The following ISLR2 variants were observed in gnomAD, a reference collection of about 807,000 sequenced individuals.
ISLR2 encodes the protein immunoglobulin superfamily containing leucine-rich repeat protein 2.
Under a neutral mutation model 25.5 loss-of-function variants are expected in ISLR2, and 16 were observed. The ratio of observed to expected loss-of-function variants is 0.63; its 90% CI spans 0.43 to 0.95. ISLR2 has a LOEUF of 0.95. ISLR2 is among the 40% of genes least tolerant of loss of function. The pLI is 0.00. For missense variants in ISLR2, 883 were observed against 1,030.7 expected (o/e 0.86, Z 1.96); for synonymous variants, 508 against 486.6 (o/e 1.04, Z -0.58).
Position 74,134,576 on chromosome 15 carries a change from C to T in ISLR2, c.1822C>T (p.Leu608Phe). The change falls in exon 3 of 3, where the codon CTT becomes TTT. Residue 608 changes from leucine (L) to phenylalanine (F), a missense_variant. Coordinates refer to ENST00000453268, the MANE Select transcript of ISLR2 (RefSeq NM_020851.3). The part of the protein sequence containing the change: ...VFLLVLATVP[L>F]LGAACCHLLA... Reference sequence around the variant, plus strand: ...CCTCCTGGTGCTGGCCACAGTGCCCCTTCTGGGCGCCGCCTGCTGCCATCT... The same window carrying T: ...CCTCCTGGTGCTGGCCACAGTGCCCTTTCTGGGCGCCGCCTGCTGCCATCT... 1 of 1,614,176 alleles carries T rather than the reference C, an allele frequency of 6.2e-7. No individual in the cohort carries two copies. The highest frequency in any genetic ancestry group is 8.5e-7 in the Non-Finnish European group (1 of 1,180,030).
chr15:74,109,730 C>G (rs2072151224), intron 2 of ISLR2, among the ~76,000 whole-genome samples: 1 of 152,200 alleles, frequency 6.6e-6, no homozygotes, highest in South Asian at 2.1e-4. Context: ...GTTCTCAGGT[C>G]ATGGGGATGC....
intron 2 of ISLR2, among the ~76,000 whole-genome samples, chr15:74,122,032 A>G (rs1567156727): frequency 6.6e-6 from 1 of 152,200 alleles, no homozygotes; most frequent in Non-Finnish European, 1.5e-5. Context: ...CATCCACCCC[A>G]GAGACAGCTG....
downstream of ISLR2, among the ~76,000 whole-genome samples, chr15:74,141,095 T>C (rs2072608609): frequency 6.6e-6 from 1 of 152,230 alleles, no homozygotes; most frequent in Non-Finnish European, 1.5e-5. Flanking sequence ...CATTGTTGAA[T>C]AAGTAATTTA....
chr15:74,126,766 A>C (rs181359646), upstream of ISLR2: 1 of 152,262 alleles, frequency 6.6e-6, no homozygotes, highest in Non-Finnish European at 1.5e-5. Flanking sequence ...TGACGACTAC[A>C]TAGAACCTGT....
At chr15:74,140,548 A>G (rs1471413790), downstream of ISLR2, among the ~76,000 whole-genome samples, 1 of 152,238 alleles carries the variant, frequency 6.6e-6, no homozygotes, top group Admixed American at 6.5e-5. Flanking sequence ...GTAAGCACAG[A>G]GCAAGGGAAA....
At chr15:74,125,759 C>G (rs2072289820), upstream of ISLR2, among the ~76,000 whole-genome samples, 3 of 152,238 alleles carry the variant, frequency 2.0e-5, no homozygotes, top group African/African-American at 7.2e-5. Context: ...TAATGTCGAG[C>G]TTCATTTGAA....
chr15:74,139,982 T>A (rs1346938683), downstream of ISLR2, among the ~76,000 whole-genome samples: 1 of 151,726 alleles, frequency 6.6e-6, no homozygotes, highest in Non-Finnish European at 1.5e-5. Flanking sequence ...CAGAGCAATT[T>A]ATCAGGAGCA....
In ISLR2 at chr15:74,133,713, C is replaced by T; in HGVS notation, c.959C>T (p.Ala320Val). ...TQTQAQTPTP[A>V]PAWPAPPATP... is the part of the protein sequence containing the mutation. ...ACCCAAGCCCAAACGCCGACTCCAGCACCCGCTTGGCCGGCGCCCCCAGCC... is the reference window on the plus strand; with the variant it reads ...ACCCAAGCCCAAACGCCGACTCCAGTACCCGCTTGGCCGGCGCCCCCAGCC... Residue 320 changes from alanine to valine, a missense_variant, in exon 3 of 3, where the codon GCA becomes GTA. Transcript: ENST00000453268. 19 of 1,608,684 alleles carry T rather than the reference C, an allele frequency of 1.2e-5. No individual in the cohort carries two copies. The highest frequency in any genetic ancestry group is 1.6e-5 in the Non-Finnish European group (19 of 1,177,532).
At chr15:74,104,043 T>C (rs1162392589) in intron 2 of ISLR2, 1 of 152,132 alleles carries the variant, frequency 6.6e-6, no homozygotes, top group Non-Finnish European at 1.5e-5. Flanking sequence ...AGTGTACTAA[T>C]AACAGCCCAG....
Position 74,136,414 on chromosome 15 carries a change from C to G in ISLR2, c.*1422C>G, listed in dbSNP as rs2072566683. 6 of 165,402 alleles carry G rather than the reference C, an allele frequency of 3.6e-5. No individual in the cohort carries two copies. In the Admixed American group the frequency reaches 3.9e-4, roughly 11 times the overall value. 10.2% of individuals were successfully genotyped at this position (165,402 alleles called of 1,614,324 possible). On this transcript the variant is annotated 3_prime_UTR_variant, in exon 3 of 3. Transcript: ENST00000453268. The stretch of plus-strand genomic sequence containing the variant: ...ATGGAGCCGAGCCCCTCCGTCCTCG[C>G]GTCTCGGTCCTCGCGTCGCCCCGCC...
At chr15:74,113,553 T>C (rs1167843288) in intron 2 of ISLR2, among the ~76,000 whole-genome samples, 2 of 152,238 alleles carry the variant, frequency 1.3e-5, no homozygotes, top group Admixed American at 6.5e-5. Context: ...TGAACCTTCA[T>C]TGTAGAGATG....
Position 74,135,220 on chromosome 15 carries a change from C to T in ISLR2, c.*228C>T. 1.7e-6 allele frequency: 1 copy of T among 595,842 alleles called. No homozygotes were observed. The highest frequency in any genetic ancestry group is 2.9e-5 in the East Asian group (1 of 34,578). The allele number at this position is 595,842 out of a possible 1,614,324, so 36.9% of individuals were successfully genotyped here. On this transcript the variant is annotated 3_prime_UTR_variant, in exon 3 of 3. Coordinates refer to ENST00000453268, the MANE Select transcript of ISLR2 (RefSeq NM_020851.3). Reference sequence around the variant, plus strand: ...TCCCTGCGGGCTGAATCCCCTTCCCCGCCAAGCACAGTGTTTATCTTACCC... The same window carrying T: ...TCCCTGCGGGCTGAATCCCCTTCCCTGCCAAGCACAGTGTTTATCTTACCC...
chr15:74,121,567 G>GGAAATTGA (rs1454952423), intron 2 of ISLR2, among the ~76,000 whole-genome samples: 2 of 152,100 alleles, frequency 1.3e-5, no homozygotes, highest in African/African-American at 4.8e-5. Context: ...CAGGAAGGAG[G>GGAAATTGA]GAAATTGAGC....
intron 1 of ISLR2, among the ~76,000 whole-genome samples, chr15:74,102,067 C>T (rs958988363): frequency 5.3e-5 from 8 of 150,542 alleles, no homozygotes; most frequent in African/African-American, 2.0e-4. Flanking sequence ...TAAATAAATA[C>T]AAATTAGCTG....
chr15:74,107,067 G>C (rs1410470142), intron 2 of ISLR2, among the ~76,000 whole-genome samples: 1 of 150,920 alleles, frequency 6.6e-6, no homozygotes, highest in Middle Eastern at 3.2e-3. Context: ...GGACTGGGGG[G>C]AGCAAGCATG....
Position 74,133,636 on chromosome 15 carries a change from G to T in ISLR2, c.882G>T (p.Gly294=). ...EPPVLSGEDD[G]VGAEEGEGEG... ...CGGTTCTGAGCGGGGAGGACGACGG[G>T]GTTGGGGCGGAGGAAGGAGAGGGAG... Residue 294 remains glycine (G), a synonymous_variant, in exon 3 of 3, where the codon GGG becomes GGT. Coordinates refer to ENST00000453268, the MANE Select transcript of ISLR2 (RefSeq NM_020851.3). 1 of 1,613,508 alleles carries T rather than the reference G, an allele frequency of 6.2e-7. No homozygotes were observed. Among genetic ancestry groups the T allele is most frequent in the Non-Finnish European group, 8.5e-7 (1 of 1,179,790 alleles).
intron 1 of ISLR2, among the ~76,000 whole-genome samples, chr15:74,102,964 C>T (rs141407788): frequency 6.6e-6 from 1 of 151,698 alleles, no homozygotes; most frequent in Non-Finnish European, 1.5e-5. Context: ...CCCACCATTG[C>T]GCCTGGCTAA....
In ISLR2 at chr15:74,134,390, G is replaced by A; in HGVS notation, c.1636G>A (p.Val546Ile). 6.2e-7 allele frequency: 1 copy of A among 1,609,378 alleles called. No homozygotes were observed. Among genetic ancestry groups the A allele is most frequent in the Non-Finnish European group, 8.5e-7 (1 of 1,178,968 alleles). ...GGGAAVQWSR[V>I]EEGVNAYWFR... is the part of the protein sequence containing the mutation. ...CGGCGCGGCAGTGCAGTGGTCCCGC[G>A]TAGAGGAAGGCGTCAACGCCTACTG... Residue 546 changes from valine (V) to isoleucine (I), a missense_variant, in exon 3 of 3, where the codon GTA becomes ATA. Around this residue, in one of 2 missense-constraint regions of ISLR2, gnomAD observed 612 missense variants for 642.8 expected, o/e 0.95. Coordinates refer to ENST00000453268, the MANE Select transcript of ISLR2 (RefSeq NM_020851.3).
chr15:74,137,121 CA>C (rs1261500616), downstream of ISLR2, among the ~76,000 whole-genome samples: 1 of 152,112 alleles, frequency 6.6e-6, no homozygotes, highest in African/African-American at 2.4e-5. Context: ...TATTTGCACT[CA>C]AGGGTGTGCG....
Sources: allele counts gnomAD v4.1 joint callset (sites outside exome capture counted in the v4.1 genomes callset), GRCh38; gene constraint gnomAD v4.1.1; regional missense constraint gnomAD v4.1.1; transcripts MANE v1.5; gene names NCBI Gene and HGNC (gene_info 2026-07-23, HGNC 2026-07-21).